NLRP7: variants seen among roughly 807,000 people sequenced by gnomAD.
NLRP7 encodes NACHT, LRR and PYD domains-containing protein 7.
In NLRP7, 72 loss-of-function variants were observed where a neutral mutation model predicts 85.5. The observed-to-expected ratio is 0.84, with a 90% CI of 0.70 to 1.02. NLRP7 has a LOEUF of 1.02. Among genes scored for constraint, NLRP7 ranks in the 50% least tolerant of loss-of-function variants. NLRP7 has a pLI of 0.00. For missense variants in NLRP7, 1,243 were observed against 1,219.5 expected (o/e 1.02, Z -0.29); for synonymous variants, 550 against 505.2 (o/e 1.09, Z -1.19).
chr19:54,932,194 G>A lies in NLRP7; in HGVS notation c.2642+1375C>T, dbSNP rs182922615. On this transcript the variant is annotated intron_variant, in intron 8 of 9. Transcript: ENST00000340844. The stretch of plus-strand genomic sequence containing the variant: ...TGGAACGCCAGCACTTTGGGAGGCC[G>A]AGGCAGGCAGATCACTTAAGGCCAG... 6.9e-3 allele frequency among the ~76,000 whole-genome samples: 1,055 copies of A among 152,132 alleles called. 15 individuals are homozygous for A. Among genetic ancestry groups the A allele is most frequent in the African/African-American group, 0.024 (985 of 41,538 alleles).
intron 1 of NLRP7, among the ~76,000 whole-genome samples, chr19:54,954,350 T>G (rs2069778557): frequency 7.3e-6 from 1 of 137,776 alleles, no homozygotes; most frequent in Admixed American, 7.3e-5. Flanking sequence ...CACGGTGAAA[T>G]CCCATCTCTA....
intron 8 of NLRP7, 46 bp from the exon 9 acceptor site, chr19:54,930,712 ACGCCCTGTGAAG>A: frequency 6.5e-7 from 1 of 1,537,408 alleles, no homozygotes; most frequent in Non-Finnish European, 9.0e-7. Context: ...CCTCTGGCTA[ACGCCCTGTGAAG>A]CAGTTATTTC....
At chr19:54,937,977 A>C in intron 5 of NLRP7, 67 bp downstream of exon 5, 1 of 1,296,358 alleles carries the variant, frequency 7.7e-7, no homozygotes, top group South Asian at 1.2e-5. Flanking sequence ...TCCAAATTTA[A>C]AAAACAAAAG....
chr19:54,923,697 G>T, exon 10 of NLRP7: 1 of 1,610,284 alleles, frequency 6.2e-7, no homozygotes, highest in South Asian at 1.1e-5. Context: ...TTAGAGACCC[G>T]AATCCCGCTT....
intron 1 of NLRP7, among the ~76,000 whole-genome samples, chr19:54,957,255 A>G (rs1434118574): frequency 6.6e-6 from 1 of 151,616 alleles, no homozygotes; most frequent in African/African-American, 2.4e-5. Context: ...TCCCGACGTC[A>G]GGTGATCCAC....
intron 1 of NLRP7, among the ~76,000 whole-genome samples, chr19:54,958,998 A>G (rs933042212): frequency 6.6e-6 from 1 of 152,124 alleles, no homozygotes; most frequent in African/African-American, 2.4e-5. Flanking sequence ...TATGGATAAC[A>G]TCGGGTTCTA....
chr19:54,961,194 G>A (rs899703950), intron 1 of NLRP7, among the ~76,000 whole-genome samples: 15 of 151,892 alleles, frequency 9.9e-5, no homozygotes, highest in African/African-American at 3.1e-4. Flanking sequence ...TGTACAAAGT[G>A]AGACCCAGTC....
intron 1 of NLRP7, among the ~76,000 whole-genome samples, chr19:54,959,020 G>T (rs1016071491): frequency 1.3e-5 from 2 of 152,098 alleles, no homozygotes; most frequent in African/African-American, 4.8e-5. Flanking sequence ...GTCATGAGTT[G>T]ATTTTTATCT....
chr19:54,949,345 G>A (rs555877531), upstream of NLRP7, among the ~76,000 whole-genome samples: 6 of 151,980 alleles, frequency 3.9e-5, no homozygotes, highest in East Asian at 1.2e-3. Context: ...GGAGGCTGAG[G>A]CGGGAGGACT....
rs1340927945 is a variant in NLRP7 at position 54,959,489 on chromosome 19, A to G, written c.-77+6551T>C. The stretch of plus-strand genomic sequence containing the variant: ...TGAGTATAAAACAATATAAAACAAT[A>G]TGAGACGGTTTCTCTCTTCCCTCAC... On this transcript the variant is annotated intron_variant, in intron 1 of 2. Transcript: ENST00000587103. 4.0e-5 allele frequency among the ~76,000 whole-genome samples: 6 copies of G among 151,228 alleles called. 1 individual carries two copies. The highest frequency in any genetic ancestry group is 8.9e-5 in the Non-Finnish European group (6 of 67,742).
intron 6 of NLRP7, 132 bp downstream of exon 6, chr19:54,936,129 C>T: frequency 2.5e-6 from 2 of 791,086 alleles, no homozygotes; most frequent in Non-Finnish European, 4.3e-6. Flanking sequence ...GACTCCCCCA[C>T]ACAGGCCTGT....
Position 54,939,009 on chromosome 19 carries a change from C to T in NLRP7, c.1810G>A (p.Val604Met), listed in dbSNP as rs1472397329. The T allele has an allele frequency of 6.2e-7, 1 of 1,614,262 alleles. No individual in the cohort carries two copies. Among genetic ancestry groups the T allele is most frequent in the Admixed American group, 1.7e-5 (1 of 60,022 alleles). Residue 604 changes from valine to methionine, a missense_variant, in exon 4 of 10, where the codon GTG (valine) becomes ATG (methionine). Around this residue, in one of 3 missense-constraint regions of NLRP7, gnomAD observed 613 missense variants for 588.4 expected, o/e 1.04. Transcript: ENST00000340844. ...TTCAGGCTGAAGGAACAATGCATCA[C>T]TTCAGAAGTATTTGTCAGGTGAATA...
chr19:54,953,690 TCTC>T (rs963490879), intron 1 of NLRP7, among the ~76,000 whole-genome samples: 3 of 151,502 alleles, frequency 2.0e-5, no homozygotes, highest in African/African-American at 7.3e-5. Flanking sequence ...TGAGGGGTGG[TCTC>T]CTCCCTTAGC....
chr19:54,945,353 C>G (rs974278241), intron 1 of NLRP7, among the ~76,000 whole-genome samples: 1 of 151,220 alleles, frequency 6.6e-6, no homozygotes, highest in African/African-American at 2.4e-5. Flanking sequence ...TTACCACAAC[C>G]TCCTCTTCCC....
At chr19:54,961,498 CTAAA>C (rs544604816) in intron 1 of NLRP7, among the ~76,000 whole-genome samples, 1 of 146,226 alleles carries the variant, frequency 6.8e-6, no homozygotes, top group African/African-American at 2.5e-5. Flanking sequence ...GACTTCATCT[CTAAA>C]TAAATAAATA....
At chr19:54,933,836 C>T (rs1259951221) in intron 7 of NLRP7, 97 bp from the exon 8 acceptor site, 1 of 1,058,596 alleles carries the variant, frequency 9.4e-7, no homozygotes, top group East Asian at 2.4e-5. Context: ...CAGCTTCAGC[C>T]CTTCCTGTTC....
chr19:54,940,965 T>C, exon 3 of NLRP7: 1 of 1,613,028 alleles, frequency 6.2e-7, no homozygotes, highest in Middle Eastern at 1.7e-4. Context: ...CTTCTGCATC[T>C]CCCAGCTCAG....
chr19:54,959,001 G>A (rs1051478917), intron 1 of NLRP7, among the ~76,000 whole-genome samples: 38 of 152,076 alleles, frequency 2.5e-4, no homozygotes, highest in Non-Finnish European at 4.4e-4. Context: ...GGATAACATC[G>A]GGTTCTAAGT....
chr19:54,963,571 C>T (rs923949168), intron 1 of NLRP7, among the ~76,000 whole-genome samples: 8 of 151,962 alleles, frequency 5.3e-5, no homozygotes, highest in Non-Finnish European at 8.8e-5. Flanking sequence ...TGCCTGTAAT[C>T]CTAGCACTTT....
Sources: allele counts gnomAD v4.1 joint callset (sites outside exome capture counted in the v4.1 genomes callset), GRCh38; gene constraint gnomAD v4.1.1; regional missense constraint gnomAD v4.1.1; transcripts MANE v1.5; gene names NCBI Gene and HGNC (gene_info 2026-07-23, HGNC 2026-07-21).